DPP8: variants seen among roughly 807,000 people sequenced by gnomAD.
The protein encoded by DPP8 is DPP VIII.
DPP8 carries 31 observed loss-of-function variants against 107.5 expected under a neutral mutation model. That is an observed-to-expected ratio of 0.29 (90% CI 0.22 to 0.39). The LOEUF (loss-of-function observed/expected upper bound fraction) is 0.39, where lower values mean the gene tolerates loss of function less well. Among genes scored for constraint, DPP8 ranks in the 10% least tolerant of loss-of-function variants. The pLI is 1.00. For missense variants in DPP8, 842 were observed against 1,076.1 expected (o/e 0.78, Z 3.04); for synonymous variants, 381 against 356.6 (o/e 1.07, Z -0.77).
intron 12 of DPP8, among the ~76,000 whole-genome samples, chr15:65,468,074 C>G (rs1411586868): frequency 6.6e-6 from 1 of 151,972 alleles, no homozygotes; most frequent in East Asian, 1.9e-4. Flanking sequence ...ATTCAGAACT[C>G]AAAAAAACCG....
In DPP8 at chr15:65,478,992, A is replaced by T; in HGVS notation, c.1344T>A (p.Ile448=). 6.3e-7 allele frequency: 1 copy of T among 1,592,742 alleles called. No homozygotes were observed. Among genetic ancestry groups the T allele is most frequent in the African/African-American group, 1.4e-5 (1 of 73,964 alleles). The part of the protein sequence containing the change: ...HVFPQSHEEE[I]EFIFASECKT... ...TGCATTCAGAGGCAAAAATAAACTC[A>T]ATTTCCTCTTCGTGACTTTGGGGAA... Residue 448 remains isoleucine, a synonymous_variant, in exon 11 of 20, where the codon ATT becomes ATA. Coordinates refer to ENST00000300141, the MANE Select transcript of DPP8 (RefSeq NM_130434.5).
Position 65,494,732 on chromosome 15 carries a change from T to C in DPP8, c.715+3132A>G, listed in dbSNP as rs151239552. The stretch of plus-strand genomic sequence containing the variant: ...TACCAACCTAATCTTTCTACTGCCA[T>C]TGGTAGTAGAACAGCTGTTCTGATT... On this transcript the variant is annotated intron_variant, in intron 5 of 19. Transcript: ENST00000300141. Among the ~76,000 whole-genome samples, 395 of 151,558 alleles carry C rather than the reference T, an allele frequency of 2.6e-3. 1 individual carries two copies. Among genetic ancestry groups the C allele is most frequent in the African/African-American group, 9.1e-3 (377 of 41,354 alleles).
chr15:65,466,872 G>C (rs2065406042), intron 13 of DPP8, 59 bp from the exon 14 acceptor site: 1 of 1,536,288 alleles, frequency 6.5e-7, no homozygotes, highest in Non-Finnish European at 8.9e-7. Flanking sequence ...GTTATCTGCT[G>C]TTACATCTGC....
chr15:65,493,133 G>C (rs950142483), intron 5 of DPP8, among the ~76,000 whole-genome samples: 1 of 151,738 alleles, frequency 6.6e-6, no homozygotes, highest in African/African-American at 2.4e-5. Context: ...GCCCAGGCTG[G>C]GGTGCAATAG....
At chr15:65,505,807 A>C (rs894888506) in intron 3 of DPP8, among the ~76,000 whole-genome samples, 2 of 151,772 alleles carry the variant, frequency 1.3e-5, no homozygotes, top group Non-Finnish European at 2.9e-5. Flanking sequence ...AAAATTAGCC[A>C]GGCATGGTGG....
In DPP8 at chr15:65,467,103, G is replaced by A. The variant is rs370549371; in HGVS notation, c.1657C>T (p.Arg553Cys). ...NPGEVTRLTD[R>C]GYSHSCCISQ... Reference sequence around the variant, plus strand: ...ATGCAGCAAGAATGTGAGTAGCCACGGTCAGTCAGCCTTGTCACCTCTCCA... The same window carrying A: ...ATGCAGCAAGAATGTGAGTAGCCACAGTCAGTCAGCCTTGTCACCTCTCCA... Residue 553 changes from arginine (R) to cysteine (C), a missense_variant, in exon 13 of 20, where the codon CGT (arginine) becomes TGT (cysteine). Physicochemically the swap from Arg to Cys is radical, Grantham distance 180 (BLOSUM62 -3). Coordinates refer to ENST00000300141, the MANE Select transcript of DPP8 (RefSeq NM_130434.5). The A allele has an allele frequency of 2.7e-5, 43 of 1,614,076 alleles. No homozygotes were observed. The highest frequency in any genetic ancestry group is 2.0e-4 in the African/African-American group (15 of 75,028).
intron 11 of DPP8, among the ~76,000 whole-genome samples, chr15:65,477,590 C>G (rs548162030): frequency 6.9e-6 from 1 of 145,634 alleles, no homozygotes; most frequent in Non-Finnish European, 1.5e-5. Flanking sequence ...AGTGCAGTGG[C>G]GCGATCTCGG....
At chr15:65,517,185 G>C (rs541373106) in intron 1 of DPP8, 1 of 152,324 alleles carries the variant, frequency 6.6e-6, no homozygotes, top group Admixed American at 6.5e-5. Context: ...ACCCCAGCGA[G>C]ACTCAATTAA....
intron 4 of DPP8, among the ~76,000 whole-genome samples, chr15:65,499,631 C>T (rs2068984699): frequency 6.6e-6 from 1 of 152,180 alleles, no homozygotes; most frequent in African/African-American, 2.4e-5. Context: ...GCAGCACAAT[C>T]TCGGTGCACT....
At chr15:65,466,907 TAA>T (rs1257822003) in intron 13 of DPP8, 94 bp from the exon 14 acceptor site, 6 of 1,418,190 alleles carry the variant, frequency 4.2e-6, no homozygotes, top group Non-Finnish European at 5.8e-6. Flanking sequence ...AAGAGTATTA[TAA>T]GAGACTATTT....
intron 5 of DPP8, among the ~76,000 whole-genome samples, chr15:65,492,798 A>G (rs767292128): frequency 1.6e-4 from 24 of 151,930 alleles, no homozygotes; most frequent in Non-Finnish European, 3.5e-4. Flanking sequence ...AGGTCTCATT[A>G]TGTTTCCCAG....
chr15:65,446,616 CTTTTTTTTTT>C lies in DPP8; in HGVS notation c.*258_*267del, dbSNP rs397969608. 8.4e-6 allele frequency: 1 copy of C among 119,056 alleles called. No homozygotes were observed. Among genetic ancestry groups the C allele is most frequent in the East Asian group, 2.5e-4 (1 of 4,036 alleles). 7.4% of individuals were successfully genotyped at this position (119,056 alleles called of 1,614,324 possible). A position where few individuals can be genotyped will look rare whatever the true frequency, so the allele number is the denominator to read the frequency against. On this transcript the variant is annotated 3_prime_UTR_variant, in exon 20 of 20. Coordinates refer to ENST00000300141, the MANE Select transcript of DPP8 (RefSeq NM_130434.5). ...TAGTATGAATACATGGTGCTAATGTCTTTTTTTTTTTTTTTTTTTTAGTAATTCTTATGGT... is the reference window on the plus strand; with the variant it reads ...TAGTATGAATACATGGTGCTAATGTCTTTTTTTTTTAGTAATTCTTATGGT...
At chr15:65,512,897 G>A (rs2070978065) in intron 1 of DPP8, 1 of 263,988 alleles carries the variant, frequency 3.8e-6, no homozygotes, top group African/African-American at 2.2e-5. Flanking sequence ...TTTGCCAGTT[G>A]GCTGCTATGC....
chr15:65,482,436 C>T (rs939288385), intron 8 of DPP8, among the ~76,000 whole-genome samples: 3 of 151,994 alleles, frequency 2.0e-5, no homozygotes, highest in Non-Finnish European at 4.4e-5. Context: ...TATATACCAC[C>T]ACGCCCAGCT....
At chr15:65,463,539 T>C (rs2065089880) in intron 15 of DPP8, among the ~76,000 whole-genome samples, 1 of 142,086 alleles carries the variant, frequency 7.0e-6, no homozygotes, top group Non-Finnish European at 1.5e-5. Context: ...CAAAACTCCA[T>C]CTCAAAAAAA....
At position 65,445,480 on chromosome 15, in the gene DPP8, C is replaced by G. The variant is rs2063465192; in HGVS notation, c.*1404G>C. ...GAAAGCCTATGAGCTCTCTTCATAGCTAAATCCTAGTGCTAAACCAAGAAA... is the reference window on the plus strand; with the variant it reads ...GAAAGCCTATGAGCTCTCTTCATAGGTAAATCCTAGTGCTAAACCAAGAAA... On this transcript the variant is annotated 3_prime_UTR_variant, in exon 20 of 20. Transcript: ENST00000300141. The G allele has an allele frequency of 6.5e-6, 1 of 153,376 alleles. No homozygotes were observed. Among genetic ancestry groups the G allele is most frequent in the East Asian group, 1.9e-4 (1 of 5,176 alleles). 9.5% of individuals were successfully genotyped at this position (153,376 alleles called of 1,614,324 possible).
intron 11 of DPP8, 46 bp downstream of exon 11, chr15:65,478,834 T>C: frequency 7.1e-7 from 1 of 1,411,234 alleles, no homozygotes; most frequent in Non-Finnish European, 9.7e-7. Flanking sequence ...TCCCACCTTC[T>C]GCTTCCAACA....
At chr15:65,482,406 C>T (rs941095968) in intron 8 of DPP8, among the ~76,000 whole-genome samples, 1 of 151,696 alleles carries the variant, frequency 6.6e-6, no homozygotes, top group Non-Finnish European at 1.5e-5. Context: ...CTCAGCCTCC[C>T]GAGTAGCTGG....
chr15:65,456,154 G>C (rs1031048454), intron 16 of DPP8, 71 bp downstream of exon 16: 3 of 1,523,438 alleles, frequency 2.0e-6, no homozygotes, highest in Non-Finnish European at 2.7e-6. Flanking sequence ...TCTCTTTCAA[G>C]GGTTTCACAC....
Sources: gnomAD v4.1 joint callset for allele counts (sites outside exome capture counted in the v4.1 genomes callset) on GRCh38, gnomAD v4.1.1 for gene constraint, MANE v1.5 for transcripts, NCBI Gene and HGNC (gene_info 2026-07-23, HGNC 2026-07-21) for gene names.